The following C12orf75 variants were observed in gnomAD, a reference collection of about 807,000 sequenced individuals.
C12orf75 encodes overexpressed in colon carcinoma 1 protein.
A neutral mutation model predicts 11.4 loss-of-function variants in C12orf75; 4 were observed. The observed-to-expected ratio is 0.35, with a 90% CI of 0.17 to 0.80. The LOEUF (loss-of-function observed/expected upper bound fraction) is 0.80. Ranked by LOEUF, C12orf75 falls within the 30% of genes least tolerant of loss-of-function variation. The pLI, the probability that C12orf75 is intolerant of heterozygous loss-of-function variation, is 0.52. For missense variants in C12orf75, 89 were observed against 80.4 expected, an observed-to-expected ratio of 1.11 and a Z score of -0.41; for synonymous variants, 30 against 30.0, an observed-to-expected ratio of 1.00 and a Z score of 0.00.
chr12:105,340,001 TTGAATC>T, intron 1 of C12orf75, among the ~76,000 whole-genome samples: 1 of 152,344 alleles, frequency 6.6e-6, no homozygotes, highest in South Asian at 2.1e-4. Context: ...CAATAAATGT[TTGAATC>T]TGTATAATAC....
At chr12:105,357,778 C>CTGTGGGTGTGTGTGTGTGTGTG (rs1892802432) in intron 2 of C12orf75, among the ~76,000 whole-genome samples, 1 of 137,246 alleles carries the variant, frequency 7.3e-6, no homozygotes, top group African/African-American at 2.7e-5. Flanking sequence ...AATGTATTTT[C>CTGTGGGTGTGTGTGTGTGTGTG]TGTGTGTGTG....
At chr12:105,335,948 C>A (rs1892495478) in intron 1 of C12orf75, among the ~76,000 whole-genome samples, 1 of 152,164 alleles carries the variant, frequency 6.6e-6, no homozygotes. Context: ...ACTGATGTAG[C>A]AATTGAGTGA....
At chr12:105,361,642 C>T (rs956820591) in intron 2 of C12orf75, among the ~76,000 whole-genome samples, 3 of 152,156 alleles carry the variant, frequency 2.0e-5, no homozygotes, top group African/African-American at 7.2e-5. Context: ...CTGGGCCTTC[C>T]TTTTACCAGG....
Position 105,353,713 on chromosome 12 carries a change from G to A in C12orf75, c.71+5087G>A, listed in dbSNP as rs188277257. On this transcript the variant is annotated intron_variant, in intron 2 of 5. Transcript: ENST00000443585. ...ATATTTATAAGAATATTATGACTAC[G>A]TTTCAAATAAGAAACAGTATTAAAT... 5.3e-5 allele frequency: 8 copies of A among 152,208 alleles called. 1 individual carries two copies. Among genetic ancestry groups the A allele is most frequent in the Admixed American group, 4.6e-4 (7 of 15,286 alleles). 9.4% of individuals were successfully genotyped at this position (152,208 alleles called of 1,614,324 possible). A position where few individuals can be genotyped will look rare whatever the true frequency, so the allele number is the denominator to read the frequency against.
intron 2 of C12orf75, among the ~76,000 whole-genome samples, chr12:105,354,440 T>A (rs954460663): frequency 2.6e-5 from 4 of 152,208 alleles, no homozygotes; most frequent in African/African-American, 4.8e-5. Context: ...AGAATAATGA[T>A]GTTTCATTTT....
chr12:105,371,083 TACTTC>T lies in C12orf75; in HGVS notation c.*488_*492del, dbSNP rs2136154342. ...TTTGTCTGTTATCTTTTGCTATTTC[TACTTC>T]ACTTTAATTTTTAGCTGTAAAATTG... On this transcript the variant is annotated 3_prime_UTR_variant, in exon 6 of 6. Transcript: ENST00000443585. 1.3e-5 allele frequency: 2 copies of T among 154,398 alleles called. No individual in the cohort carries two copies. Among genetic ancestry groups the T allele is most frequent in the East Asian group, 3.8e-4 (2 of 5,304 alleles). The allele number at this position is 154,398 out of a possible 1,614,324, so 9.6% of individuals were successfully genotyped here.
chr12:105,352,223 A>G (rs994276183), intron 2 of C12orf75, among the ~76,000 whole-genome samples: 2 of 152,190 alleles, frequency 1.3e-5, no homozygotes, highest in African/African-American at 2.4e-5. Flanking sequence ...TGCGTGTGTC[A>G]TGATGGCCAC....
chr12:105,364,430 C>G (rs944512011), intron 2 of C12orf75, among the ~76,000 whole-genome samples: 1 of 152,228 alleles, frequency 6.6e-6, no homozygotes, highest in Non-Finnish European at 1.5e-5. Context: ...GGATTTTGCA[C>G]TCTCTTCCAG....
At chr12:105,369,991 T>A (rs550994578) in intron 5 of C12orf75, among the ~76,000 whole-genome samples, 9 of 152,358 alleles carry the variant, frequency 5.9e-5, no homozygotes, top group African/African-American at 1.9e-4. Context: ...ACATGTAGAC[T>A]CTCTGAACTA....
At chr12:105,364,837 C>CTTT (rs71440583) in intron 2 of C12orf75, among the ~76,000 whole-genome samples, 64 of 125,654 alleles carry the variant, frequency 5.1e-4, no homozygotes, top group Non-Finnish European at 6.9e-4. Context: ...ATATGGACTC[C>CTTT]TTTTTTTTTT....
intron 1 of C12orf75, among the ~76,000 whole-genome samples, chr12:105,334,567 T>G (rs1021574578): frequency 1.3e-5 from 2 of 152,222 alleles, no homozygotes; most frequent in African/African-American, 4.8e-5. Context: ...CCTGCAACTA[T>G]ATAAAGGATG....
At chr12:105,334,266 G>A (rs369956363) in intron 1 of C12orf75, among the ~76,000 whole-genome samples, 51 of 152,216 alleles carry the variant, frequency 3.4e-4, no homozygotes, top group African/African-American at 1.0e-3. Context: ...AGCCAGCAAT[G>A]GATGTTTGTA....
intron 2 of C12orf75, among the ~76,000 whole-genome samples, chr12:105,365,293 T>C (rs1592885838): frequency 6.6e-6 from 1 of 152,246 alleles, no homozygotes; most frequent in East Asian, 1.9e-4. Context: ...GCATTAACTC[T>C]TTTTGCACTG....
At chr12:105,332,234 C>T (rs1892438473) in intron 1 of C12orf75, among the ~76,000 whole-genome samples, 1 of 152,094 alleles carries the variant, frequency 6.6e-6, no homozygotes, top group Non-Finnish European at 1.5e-5. Flanking sequence ...CTACTAGGTA[C>T]TGTGGCCGTA....
intron 2 of C12orf75, 63 bp from the exon 3 acceptor site, chr12:105,365,743 AC>A (rs1871451559): frequency 8.5e-7 from 1 of 1,169,860 alleles, no homozygotes; most frequent in Non-Finnish European, 1.3e-6. Flanking sequence ...TTTTCTCATA[AC>A]CAAAAATGAA....
At chr12:105,362,660 C>G (rs1437929034) in intron 2 of C12orf75, among the ~76,000 whole-genome samples, 1 of 116,284 alleles carries the variant, frequency 8.6e-6, no homozygotes, top group Admixed American at 8.9e-5. Context: ...GAGCAAGACT[C>G]CGTCTCAAAA....
intron 2 of C12orf75, among the ~76,000 whole-genome samples, chr12:105,355,189 T>TCAGAGTTTC (rs200562517): frequency 7.2e-6 from 1 of 139,488 alleles, no homozygotes; most frequent in African/African-American, 2.6e-5. Context: ...TCTTTTTTTT[T>TCAGAGTTTC]TTCAGAGTTT....
chr12:105,348,421 A>C (rs967278403), intron 1 of C12orf75, among the ~76,000 whole-genome samples, 181 bp from the exon 2 acceptor site: 2 of 143,236 alleles, frequency 1.4e-5, no homozygotes, highest in Admixed American at 1.4e-4. Flanking sequence ...TCTGAAACAA[A>C]AAAAAAAAAA....
intron 5 of C12orf75, among the ~76,000 whole-genome samples, chr12:105,369,919 T>C (rs1871581679): frequency 6.6e-6 from 1 of 152,208 alleles, no homozygotes; most frequent in African/African-American, 2.4e-5. Flanking sequence ...AGAAAAGAGA[T>C]GTTTCATGGA....
Sources: gnomAD v4.1 joint callset for allele counts (sites outside exome capture counted in the v4.1 genomes callset) on GRCh38, gnomAD v4.1.1 for gene constraint, MANE v1.5 for transcripts, NCBI Gene and HGNC (gene_info 2026-07-23, HGNC 2026-07-21) for gene names.